Variants in BICRAL observed in about 807,000 individuals in gnomAD.
BICRAL encodes the protein BICRA like chromatin remodeling complex associated protein.
A neutral mutation model predicts 91.8 loss-of-function variants in BICRAL; 8 were observed. That is an observed-to-expected ratio of 0.09 (90% confidence interval 0.05 to 0.16). BICRAL has a LOEUF of 0.16. Ranked by LOEUF, BICRAL falls within the 10% of genes least tolerant of loss-of-function variation. The pLI, the probability that BICRAL is intolerant of heterozygous loss-of-function variation, is 1.00. For synonymous variants in BICRAL, 445 were observed against 491.1 expected (o/e 0.91, Z 1.24); for missense variants, 1,038 against 1,310.9 (o/e 0.79, Z 3.21).
upstream of BICRAL, among the ~76,000 whole-genome samples, chr6:42,779,118 G>A (rs1762843978): frequency 6.6e-6 from 1 of 151,846 alleles, no homozygotes; most frequent in Admixed American, 6.6e-5. Context: ...TAGGAAGGCT[G>A]AGGCTAGAGG....
intron 9 of BICRAL, 104 bp from the exon 10 acceptor site, chr6:42,856,987 G>C (rs749725276): frequency 1.5e-4 from 146 of 956,378 alleles, no homozygotes; most frequent in Non-Finnish European, 1.4e-4. Context: ...AAAAACTGCC[G>C]TATTATTCCT....
chr6:42,855,725 G>T, intron 8 of BICRAL, 131 bp from the exon 9 acceptor site: 1 of 680,104 alleles, frequency 1.5e-6, no homozygotes, highest in African/African-American at 1.8e-5. Context: ...TTTTTCAGCA[G>T]GGCACATTCT....
intron 6 of BICRAL, among the ~76,000 whole-genome samples, chr6:42,836,218 ATAAT>A (rs1456395589): frequency 9.2e-5 from 14 of 152,218 alleles, no homozygotes; most frequent in African/African-American, 3.4e-4. Context: ...TATGTTTATT[ATAAT>A]TAATTAAGCA....
At chr6:42,836,901 T>C (rs1045963819) in intron 6 of BICRAL, among the ~76,000 whole-genome samples, 3 of 151,444 alleles carry the variant, frequency 2.0e-5, no homozygotes, top group Non-Finnish European at 2.9e-5. Flanking sequence ...ATTACAGGTG[T>C]GAGACACTGT....
intron 2 of BICRAL, among the ~76,000 whole-genome samples, chr6:42,818,925 T>TATTTTA (rs1764065902): frequency 6.6e-6 from 1 of 152,194 alleles, no homozygotes; most frequent in Non-Finnish European, 1.5e-5. Context: ...TTAAGAGAGG[T>TATTTTA]AGTCAGGTGT....
intron 1 of BICRAL, among the ~76,000 whole-genome samples, chr6:42,774,356 T>A (rs920016863): frequency 3.9e-5 from 6 of 152,170 alleles, no homozygotes; most frequent in African/African-American, 1.4e-4. Flanking sequence ...GTTACAAACA[T>A]GCATAGAGAC....
intron 1 of BICRAL, among the ~76,000 whole-genome samples, chr6:42,767,817 G>A (rs546561736): frequency 6.6e-6 from 1 of 152,306 alleles, no homozygotes; most frequent in African/African-American, 2.4e-5. Flanking sequence ...AAAGTGGGAA[G>A]GCAGGGGAGG....
intron 6 of BICRAL, among the ~76,000 whole-genome samples, chr6:42,839,077 A>G (rs1297295383): frequency 2.0e-5 from 3 of 148,776 alleles, no homozygotes; most frequent in Non-Finnish European, 4.5e-5. Context: ...GCGTGTGCCT[A>G]TAGTCCCAGC....
chr6:42,849,175 C>T (rs768596329), intron 6 of BICRAL, among the ~76,000 whole-genome samples: 1 of 152,144 alleles, frequency 6.6e-6, no homozygotes, highest in African/African-American at 2.4e-5. Context: ...CAGCCTCAAC[C>T]TCCTGGGCTC....
chr6:42,857,375 G>A, intron 10 of BICRAL, 139 bp downstream of exon 10: 1 of 655,174 alleles, frequency 1.5e-6, no homozygotes, highest in Non-Finnish European at 2.6e-6. Flanking sequence ...CTTGTTCCCT[G>A]TTTACTCAAT....
chr6:42,778,650 G>A (rs1422663374), upstream of BICRAL, among the ~76,000 whole-genome samples: 1 of 152,100 alleles, frequency 6.6e-6, no homozygotes, highest in East Asian at 1.9e-4. Context: ...TGCAATTCTG[G>A]CTGACTTGAG....
intron 1 of BICRAL, among the ~76,000 whole-genome samples, chr6:42,802,535 G>A (rs904638181): frequency 7.9e-5 from 12 of 151,774 alleles, no homozygotes; most frequent in East Asian, 1.9e-4. Flanking sequence ...TGCAACCTCC[G>A]CCTCCTGGGT....
chr6:42,749,567 T>C (rs1046333586), intron 1 of BICRAL, among the ~76,000 whole-genome samples: 2 of 152,174 alleles, frequency 1.3e-5, no homozygotes, highest in Non-Finnish European at 2.9e-5. Flanking sequence ...AAGTGATAAA[T>C]GTTTGAAGTA....
At chr6:42,858,557 C>G (rs1765457235) in intron 10 of BICRAL, among the ~76,000 whole-genome samples, 1 of 144,836 alleles carries the variant, frequency 6.9e-6, no homozygotes, top group Non-Finnish European at 1.5e-5. Flanking sequence ...GTGTCTCACA[C>G]CTGTAATCCC....
At chr6:42,847,119 G>A (rs960275817) in intron 6 of BICRAL, among the ~76,000 whole-genome samples, 3 of 152,084 alleles carry the variant, frequency 2.0e-5, no homozygotes, top group Non-Finnish European at 4.4e-5. Flanking sequence ...GTACAGTGGC[G>A]CATGCCTATA....
At chr6:42,796,835 T>G (rs1483746047) in intron 1 of BICRAL, among the ~76,000 whole-genome samples, 1 of 151,600 alleles carries the variant, frequency 6.6e-6, no homozygotes, top group Non-Finnish European at 1.5e-5. Flanking sequence ...TCACCTGAGG[T>G]CAGGAGTTCG....
At chr6:42,761,942 T>C (rs1762557252) in intron 1 of BICRAL, among the ~76,000 whole-genome samples, 1 of 152,048 alleles carries the variant, frequency 6.6e-6, no homozygotes, top group Non-Finnish European at 1.5e-5. Context: ...CGTACTTCTT[T>C]CAGGATTATC....
intron 6 of BICRAL, among the ~76,000 whole-genome samples, chr6:42,845,249 A>T (rs1411498330): frequency 3.6e-4 from 17 of 46,626 alleles, no homozygotes; most frequent in South Asian, 3.5e-3. Flanking sequence ...TTTTTTTTTT[A>T]GACAGAGTTT....
At chr6:42,816,722 TAAAG>T (rs938302732) in intron 2 of BICRAL, among the ~76,000 whole-genome samples, 2 of 152,202 alleles carry the variant, frequency 1.3e-5, no homozygotes, top group Non-Finnish European at 2.9e-5. Context: ...GACATATAAA[TAAAG>T]AGTATCAGCC....
Sources: allele counts gnomAD v4.1 joint callset (sites outside exome capture counted in the v4.1 genomes callset), GRCh38; gene constraint gnomAD v4.1.1; transcripts MANE v1.5; gene names NCBI Gene and HGNC (gene_info 2026-07-23, HGNC 2026-07-21).